The following FAM184A variants were observed in gnomAD, a reference collection of about 807,000 sequenced individuals.
FAM184A encodes the protein family with sequence similarity 184 member A, also known as protein FAM184A.
FAM184A carries 99 observed loss-of-function variants against 143.8 expected under a neutral mutation model. The observed-to-expected ratio is 0.69, with a 90% CI of 0.58 to 0.81. FAM184A has a LOEUF of 0.81. Ranked by LOEUF, FAM184A falls within the 40% of genes least tolerant of loss-of-function variation. FAM184A has a pLI of 0.00. For missense variants in FAM184A, 1,217 were observed against 1,310.5 expected (o/e 0.93, Z 1.10); for synonymous variants, 427 against 446.4 (o/e 0.96, Z 0.55).
intron 1 of FAM184A, among the ~76,000 whole-genome samples, chr6:119,091,828 C>A (rs1044798259): frequency 2.6e-5 from 4 of 152,190 alleles, no homozygotes; most frequent in African/African-American, 9.6e-5. Flanking sequence ...GTTTTTGTTG[C>A]TGACAAGTCA....
At chr6:119,015,023 C>A (rs1290830049) in intron 5 of FAM184A, among the ~76,000 whole-genome samples, 1 of 150,860 alleles carries the variant, frequency 6.6e-6, no homozygotes, top group Non-Finnish European at 1.5e-5. Flanking sequence ...TGTGCCACTG[C>A]ACTGCACTCC....
At chr6:119,089,122 A>G (rs145624443) in intron 1 of FAM184A, among the ~76,000 whole-genome samples, 5 of 150,494 alleles carry the variant, frequency 3.3e-5, no homozygotes, top group East Asian at 1.9e-4. Flanking sequence ...GGCTCAAGCA[A>G]TCTTCCCACC....
intron 9 of FAM184A, among the ~76,000 whole-genome samples, chr6:118,991,172 T>TC (rs1368463130): frequency 6.6e-6 from 1 of 151,734 alleles, no homozygotes; most frequent in Non-Finnish European, 1.5e-5. Flanking sequence ...AATTTTTTTT[T>TC]TTTTTGAGAT....
intron 1 of FAM184A, among the ~76,000 whole-genome samples, chr6:119,077,443 C>T (rs1787914121): frequency 6.6e-6 from 1 of 152,208 alleles, no homozygotes; most frequent in African/African-American, 2.4e-5. Flanking sequence ...CCAATTCCTT[C>T]TCATTATCAA....
intron 15 of FAM184A, among the ~76,000 whole-genome samples, chr6:118,965,174 G>A (rs1783460612): frequency 6.7e-6 from 1 of 148,368 alleles, no homozygotes; most frequent in South Asian, 2.1e-4. Flanking sequence ...ATAGGCATGT[G>A]CCACCATACC....
intron 1 of FAM184A, among the ~76,000 whole-genome samples, chr6:119,136,749 T>C (rs606955): frequency 0.87 from 132,164 of 152,278 alleles, 57,609 homozygotes; most frequent in South Asian, 0.92. Context: ...TCACTGTGCT[T>C]AACTTTCAAA....
chr6:118,977,674 T>A (rs970981910), intron 11 of FAM184A, among the ~76,000 whole-genome samples: 1 of 152,164 alleles, frequency 6.6e-6, no homozygotes, highest in Admixed American at 6.5e-5. Context: ...AGGGTAATGG[T>A]TGCCAGGTGT....
At position 119,024,025 on chromosome 6, in the gene FAM184A, A is replaced by G. The variant is rs200744187; in HGVS notation, c.948T>C (p.Ala316=). Residue 316 remains alanine (A), a synonymous_variant, in exon 2 of 18, where the codon GCT becomes GCC. Coordinates refer to ENST00000338891, the MANE Select transcript of FAM184A (RefSeq NM_024581.6). ...TTTGGCATTTGTCAAGAAGACTTCC[A>G]GCTTCATCCTGTACCATCTGTAACT... ...KTELQMVQDE[A]GSLLDKCQKL... 627 of 1,611,490 alleles carry G rather than the reference A, an allele frequency of 3.9e-4. 3 individuals carry two copies. The highest frequency in any genetic ancestry group is 1.6e-4 in the Non-Finnish European group (193 of 1,179,452).
At chr6:119,085,936 A>G (rs1240237044) in intron 1 of FAM184A, among the ~76,000 whole-genome samples, 1 of 152,140 alleles carries the variant, frequency 6.6e-6, no homozygotes, top group African/African-American at 2.4e-5. Flanking sequence ...TCACCCATTC[A>G]TTATCATGAG....
chr6:118,962,338 G>A (rs1304672317), intron 16 of FAM184A: 1 of 173,856 alleles, frequency 5.8e-6, no homozygotes, highest in African/African-American at 2.4e-5. Context: ...AATGGATTTA[G>A]GCTAAAATTA....
At chr6:119,099,393 T>A (rs1285758743) in intron 1 of FAM184A, among the ~76,000 whole-genome samples, 1 of 152,192 alleles carries the variant, frequency 6.6e-6, no homozygotes, top group Non-Finnish European at 1.5e-5. Flanking sequence ...CAGGGCTAGC[T>A]AGGTGCCTGG....
At chr6:119,093,114 T>G (rs1361336511) in intron 1 of FAM184A, among the ~76,000 whole-genome samples, 1 of 152,230 alleles carries the variant, frequency 6.6e-6, no homozygotes, top group African/African-American at 2.4e-5. Context: ...AGAATTTTAT[T>G]CTGTGAACCC....
At chr6:119,077,280 C>CT (rs1787908504) in intron 1 of FAM184A, among the ~76,000 whole-genome samples, 1 of 152,120 alleles carries the variant, frequency 6.6e-6, no homozygotes, top group Non-Finnish European at 1.5e-5. Context: ...TCCTAACAAG[C>CT]TGTTAGGAGA....
chr6:119,001,071 C>G (rs1784741322), intron 9 of FAM184A, among the ~76,000 whole-genome samples: 1 of 149,430 alleles, frequency 6.7e-6, no homozygotes, highest in Non-Finnish European at 1.5e-5. Context: ...AAGGTTTTGT[C>G]CATAACGACG....
chr6:119,114,828 G>GA, intron 1 of FAM184A, among the ~76,000 whole-genome samples: 1 of 152,098 alleles, frequency 6.6e-6, no homozygotes, highest in Admixed American at 6.5e-5. Context: ...AAAATGCTAG[G>GA]ATGACATGAG....
chr6:119,114,931 T>G (rs1045448343), intron 1 of FAM184A, among the ~76,000 whole-genome samples: 3 of 152,206 alleles, frequency 2.0e-5, no homozygotes, highest in Non-Finnish European at 4.4e-5. Context: ...CATAGCTCAC[T>G]GCAGCCTCAA....
chr6:119,105,135 GA>G (rs1208633799), intron 1 of FAM184A, among the ~76,000 whole-genome samples: 1 of 152,138 alleles, frequency 6.6e-6, no homozygotes, highest in Non-Finnish European at 1.5e-5. Context: ...AAAAATTTAG[GA>G]AAATGGGATA....
At chr6:119,130,858 CTTTT>C (rs67738048) in intron 1 of FAM184A, among the ~76,000 whole-genome samples, 8 of 131,690 alleles carry the variant, frequency 6.1e-5, no homozygotes, top group Admixed American at 1.5e-4. Context: ...TTCTTTTTTT[CTTTT>C]TTTTTTTTTT....
intron 1 of FAM184A, among the ~76,000 whole-genome samples, chr6:119,093,089 G>T (rs973433411): frequency 6.6e-6 from 1 of 152,044 alleles, no homozygotes; most frequent in Non-Finnish European, 1.5e-5. Flanking sequence ...ACCCTAGAAG[G>T]CTCAATTCTG....
Sources: allele counts gnomAD v4.1 joint callset (sites outside exome capture counted in the v4.1 genomes callset), GRCh38; gene constraint gnomAD v4.1.1; transcripts MANE v1.5; gene names NCBI Gene and HGNC (gene_info 2026-07-23, HGNC 2026-07-21).